The following ZCWPW2 variants were observed in gnomAD, a reference collection of about 807,000 sequenced individuals.
ZCWPW2 encodes the protein zinc finger CW-type PWWP domain protein 2.
ZCWPW2 carries 45 observed loss-of-function variants against 46.6 expected under a neutral mutation model. The ratio of observed to expected loss-of-function variants is 0.96; its 90% CI spans 0.76 to 1.24. ZCWPW2 has a LOEUF of 1.24. ZCWPW2 is among the 50% of genes most tolerant of loss of function. The pLI is 0.00. For missense variants in ZCWPW2, 429 were observed against 403.9 expected, an observed-to-expected ratio of 1.06 and a Z score of -0.53; for synonymous variants, 152 against 137.1, an observed-to-expected ratio of 1.11 and a Z score of -0.76.
At chr3:28,395,751 G>T (rs1421071969) in intron 2 of ZCWPW2, among the ~76,000 whole-genome samples, 1 of 152,108 alleles carries the variant, frequency 6.6e-6, no homozygotes, top group Non-Finnish European at 1.5e-5. Context: ...AGGGCTTGGA[G>T]TGAAAAATAG....
At chr3:28,454,079 C>T (rs969849154) in intron 4 of ZCWPW2, among the ~76,000 whole-genome samples, 1 of 151,740 alleles carries the variant, frequency 6.6e-6, no homozygotes, top group African/African-American at 2.4e-5. Context: ...CTCCTGACCT[C>T]GTGATCCGCC....
At chr3:28,380,186 A>G (rs1272555431) in intron 1 of ZCWPW2, among the ~76,000 whole-genome samples, 7 of 151,886 alleles carry the variant, frequency 4.6e-5, no homozygotes, top group African/African-American at 1.2e-4. Context: ...GGGTTTCACC[A>G]TGTTAGCCAG....
chr3:28,377,714 T>C (rs1186018294), intron 1 of ZCWPW2, among the ~76,000 whole-genome samples: 1 of 152,080 alleles, frequency 6.6e-6, no homozygotes, highest in African/African-American at 2.4e-5. Flanking sequence ...ATAATGCGAC[T>C]GTATTTGAAG....
intron 6 of ZCWPW2, among the ~76,000 whole-genome samples, chr3:28,501,155 T>A (rs1386945162): frequency 6.6e-6 from 1 of 152,126 alleles, no homozygotes; most frequent in Admixed American, 6.6e-5. Flanking sequence ...ATCTATGAAA[T>A]AGAAGGGTGC....
intron 4 of ZCWPW2, among the ~76,000 whole-genome samples, chr3:28,474,620 T>C (rs9868003): frequency 0.038 from 4,570 of 121,586 alleles, 128 homozygotes; most frequent in African/African-American, 0.079. Flanking sequence ...TGTGTGTGTG[T>C]GCGCGCGCGC....
rs750558402 is a variant in ZCWPW2 at position 28,521,118 on chromosome 3, T to C, written c.909+2T>C. 6.3e-7 allele frequency: 1 copy of C among 1,595,718 alleles called. No homozygotes were observed. The highest frequency in any genetic ancestry group is 8.5e-7 in the Non-Finnish European group (1 of 1,174,700). ...GAGGAAATAAATATGGGAGAAAAGGTAATATTGATAGTTATTTTCAGACCT... is the reference window on the plus strand; with the variant it reads ...GAGGAAATAAATATGGGAGAAAAGGCAATATTGATAGTTATTTTCAGACCT... On this transcript the variant is annotated splice_donor_variant, in intron 9 of 9. Transcript: ENST00000383768. LOFTEE classifies it high-confidence loss of function.
intron 1 of ZCWPW2, among the ~76,000 whole-genome samples, chr3:28,384,121 T>C (rs1298275391): frequency 6.6e-6 from 1 of 152,180 alleles, no homozygotes; most frequent in East Asian, 1.9e-4. Context: ...CTGCTGGTAT[T>C]AATAGTAGAA....
chr3:28,451,865 A>G (rs1026464629), intron 4 of ZCWPW2, among the ~76,000 whole-genome samples: 1 of 152,016 alleles, frequency 6.6e-6, no homozygotes, highest in African/African-American at 2.4e-5. Context: ...AAACTAAAAA[A>G]CTCTTGCACC....
chr3:28,510,837 G>T (rs1700406818), intron 6 of ZCWPW2, among the ~76,000 whole-genome samples: 1 of 152,168 alleles, frequency 6.6e-6, no homozygotes, highest in Non-Finnish European at 1.5e-5. Context: ...TCCATGAGAA[G>T]ATGATGATGT....
chr3:28,516,130 C>T (rs1373646576), intron 8 of ZCWPW2, among the ~76,000 whole-genome samples: 1 of 151,874 alleles, frequency 6.6e-6, no homozygotes. Flanking sequence ...ATCCCAGCTA[C>T]TCTGGAGGCT....
intron 1 of ZCWPW2, among the ~76,000 whole-genome samples, chr3:28,353,687 T>A (rs1020360521): frequency 6.6e-6 from 1 of 152,206 alleles, no homozygotes; most frequent in Admixed American, 6.5e-5. Context: ...TTTTTCTTTT[T>A]CCAAAATAAA....
intron 1 of ZCWPW2, among the ~76,000 whole-genome samples, chr3:28,353,522 A>G (rs1704628655): frequency 6.6e-6 from 1 of 152,228 alleles, no homozygotes; most frequent in East Asian, 1.9e-4. Flanking sequence ...GTAGATTTTA[A>G]ATTACCATGG....
intron 6 of ZCWPW2, among the ~76,000 whole-genome samples, chr3:28,509,348 T>C (rs1003559637): frequency 6.6e-6 from 1 of 152,148 alleles, no homozygotes; most frequent in African/African-American, 2.4e-5. Context: ...ATACCTAGGA[T>C]TGGAATTATG....
chr3:28,404,953 A>T (rs1368457685), intron 2 of ZCWPW2, among the ~76,000 whole-genome samples: 1 of 152,176 alleles, frequency 6.6e-6, no homozygotes, highest in African/African-American at 2.4e-5. Context: ...TGGTGGGTAC[A>T]CCAAAATCTC....
At chr3:28,426,926 C>G (rs1350148743) in intron 3 of ZCWPW2, among the ~76,000 whole-genome samples, 2 of 152,162 alleles carry the variant, frequency 1.3e-5, no homozygotes, top group Non-Finnish European at 2.9e-5. Flanking sequence ...TATTAAAGAT[C>G]ATTTCTACTG....
intron 4 of ZCWPW2, among the ~76,000 whole-genome samples, chr3:28,435,590 A>G (rs1697450671): frequency 1.4e-5 from 2 of 147,222 alleles, no homozygotes; most frequent in African/African-American, 5.1e-5. Flanking sequence ...GGTTCACGCC[A>G]TTCTCCTGCC....
At chr3:28,447,636 G>C in intron 4 of ZCWPW2, 1 of 316,700 alleles carries the variant, frequency 3.2e-6, no homozygotes, top group South Asian at 3.7e-5. Flanking sequence ...ATTCAACATA[G>C]TTCTGAAAGT....
At chr3:28,402,923 A>G (rs1375994188) in intron 2 of ZCWPW2, among the ~76,000 whole-genome samples, 3 of 152,194 alleles carry the variant, frequency 2.0e-5, no homozygotes, top group Non-Finnish European at 2.9e-5. Context: ...CATCTATGAC[A>G]AACTCACAGT....
chr3:28,421,706 C>G (rs375817541), intron 3 of ZCWPW2, among the ~76,000 whole-genome samples: 1 of 151,820 alleles, frequency 6.6e-6, no homozygotes, highest in South Asian at 2.1e-4. Context: ...CTATCGTTTT[C>G]TCTTCAACTT....
Sources: gnomAD v4.1 joint callset for allele counts (sites outside exome capture counted in the v4.1 genomes callset) on GRCh38, gnomAD v4.1.1 for gene constraint, MANE v1.5 for transcripts, NCBI Gene and HGNC (gene_info 2026-07-23, HGNC 2026-07-21) for gene names.